Variants in VSX2 observed in about 807,000 individuals in gnomAD.
The protein encoded by VSX2 is ceh-10 homeo domain containing homolog.
VSX2 carries 28 observed loss-of-function variants against 32.1 expected under a neutral mutation model. The ratio of observed to expected loss-of-function variants is 0.87; its 90% CI spans 0.65 to 1.20. The LOEUF (loss-of-function observed/expected upper bound fraction) is 1.20, where lower values mean the gene tolerates loss of function less well. VSX2 is among the 50% of genes most tolerant of loss of function. VSX2 has a pLI of 0.00. For synonymous variants in VSX2, 243 were observed against 214.1 expected (o/e 1.14, Z -1.18); for missense variants, 506 against 488.7 (o/e 1.04, Z -0.33).
chr14:74,255,229 C>T (rs1307556307), intron 3 of VSX2, among the ~76,000 whole-genome samples: 1 of 152,120 alleles, frequency 6.6e-6, no homozygotes, highest in Non-Finnish European at 1.5e-5. Flanking sequence ...TATTTCAGTT[C>T]TATATACAGG....
intron 3 of VSX2, among the ~76,000 whole-genome samples, chr14:74,251,172 G>T (rs902632561): frequency 1.3e-5 from 2 of 151,946 alleles, no homozygotes; most frequent in African/African-American, 4.8e-5. Flanking sequence ...AAATTACGCC[G>T]GGTACGGTGG....
intron 3 of VSX2, among the ~76,000 whole-genome samples, chr14:74,245,826 C>T (rs1341855710): frequency 6.6e-6 from 1 of 152,186 alleles, no homozygotes; most frequent in East Asian, 1.9e-4. Context: ...CACACACAGC[C>T]CAGCAACTGC....
rs551300880 is a variant in VSX2, at chr14:74,261,507, A to G, written c.*588A>G. ...CCCAGGCAGGCCCAGCCTCTGCCCC[A>G]CCCATCAGTGGAGTCCAGATGGCAG... On this transcript the variant is annotated 3_prime_UTR_variant, in exon 5 of 5. Coordinates refer to ENST00000261980, the MANE Select transcript of VSX2 (RefSeq NM_182894.3). The G allele has an allele frequency of 6.5e-6, 1 of 153,038 alleles. No individual in the cohort carries two copies. Among genetic ancestry groups the G allele is most frequent in the Non-Finnish European group, 1.5e-5 (1 of 68,652 alleles). The allele number at this position is 153,038 out of a possible 1,614,324, so 9.5% of individuals were successfully genotyped here.
At chr14:74,245,140 G>C in intron 2 of VSX2, 25 bp from the exon 3 acceptor site, 1 of 1,613,364 alleles carries the variant, frequency 6.2e-7, no homozygotes, top group Non-Finnish European at 8.5e-7. Context: ...CTGGGGTCCT[G>C]AGTGTTCGGT....
intron 4 of VSX2, 78 bp from the exon 5 acceptor site, chr14:74,260,516 C>G: frequency 7.1e-7 from 1 of 1,409,046 alleles, no homozygotes; most frequent in South Asian, 1.2e-5. Flanking sequence ...TCTGGCCTCT[C>G]TCTATCTTTG....
intron 3 of VSX2, among the ~76,000 whole-genome samples, chr14:74,254,496 G>A (rs760739652): frequency 6.6e-6 from 1 of 152,216 alleles, no homozygotes; most frequent in Non-Finnish European, 1.5e-5. Context: ...AAATGCCTAA[G>A]GGGGAAGTAG....
At chr14:74,247,547 A>T (rs2079200901) in intron 3 of VSX2, among the ~76,000 whole-genome samples, 1 of 152,228 alleles carries the variant, frequency 6.6e-6, no homozygotes. Flanking sequence ...TCAGGGGCTG[A>T]AGACCATGAA....
chr14:74,256,263 C>T (rs2079262152), intron 3 of VSX2, among the ~76,000 whole-genome samples: 1 of 152,064 alleles, frequency 6.6e-6, no homozygotes, highest in African/African-American at 2.4e-5. Flanking sequence ...AAATCTCGTC[C>T]CTACTAAAAA....
intron 3 of VSX2, among the ~76,000 whole-genome samples, chr14:74,258,420 G>T (rs1566888036): frequency 6.6e-6 from 1 of 152,182 alleles, no homozygotes; most frequent in Non-Finnish European, 1.5e-5. Flanking sequence ...GGGAAGGGCG[G>T]CGCCGGCCCA....
rs766522793 is a variant in VSX2, at chr14:74,260,707, G to C, written c.874G>C (p.Ala292Pro). ...GGAGCAGGACGAGCGGGGCCCCGACGCTCAGGCGGCCATCTCCCAGGAGGA... is the reference window on the plus strand; with the variant it reads ...GGAGCAGGACGAGCGGGGCCCCGACCCTCAGGCGGCCATCTCCCAGGAGGA... ...KMEQDERGPD[A>P]QAAISQEELR... The change falls in exon 5 of 5, where the codon GCT (alanine) becomes CCT (proline). Residue 292 changes from alanine (A) to proline (P), a missense_variant. Ala to Pro is a conservative substitution (Grantham distance 27, BLOSUM62 -1). Coordinates refer to ENST00000261980, the MANE Select transcript of VSX2 (RefSeq NM_182894.3). The C allele has an allele frequency of 1.9e-6, 3 of 1,593,436 alleles. No individual in the cohort carries two copies. The African/African-American group carries it at 4.0e-5, about 21-fold the overall frequency.
rs545225184 is a variant in VSX2, at chr14:74,239,506, G to C, written c.-56G>C. The stretch of plus-strand genomic sequence containing the variant: ...AACTTCGCGAAGCGGGAAGCCCGGC[G>C]GGGGGGTGGGGGGAGCTAAAGACCT... On this transcript the variant is annotated 5_prime_UTR_variant, in exon 1 of 5. Coordinates refer to ENST00000261980, the MANE Select transcript of VSX2 (RefSeq NM_182894.3). 2.3e-5 allele frequency: 35 copies of C among 1,547,022 alleles called. No individual in the cohort carries two copies. In the East Asian group the frequency reaches 5.6e-4, roughly 25 times the overall value.
At chr14:74,247,598 C>CG (rs898958646) in intron 3 of VSX2, among the ~76,000 whole-genome samples, 1 of 152,156 alleles carries the variant, frequency 6.6e-6, no homozygotes, top group Admixed American at 6.5e-5. Context: ...CAGCCTCTTG[C>CG]CCAGGCCCCA....
intron 3 of VSX2, among the ~76,000 whole-genome samples, chr14:74,255,773 T>C (rs1356807892): frequency 6.6e-6 from 1 of 152,130 alleles, no homozygotes; most frequent in African/African-American, 2.4e-5. Flanking sequence ...CATCTCTGTC[T>C]TTCTATATTC....
chr14:74,244,943 AAAGT>A (rs1309035238), intron 2 of VSX2, among the ~76,000 whole-genome samples: 161 of 62,998 alleles, frequency 2.6e-3, no homozygotes, highest in Admixed American at 5.4e-3. Flanking sequence ...AGAGAGAGAG[AAAGT>A]GTGTGTGTGT....
chr14:74,262,134 G>A lies in VSX2; in HGVS notation c.*1215G>A, dbSNP rs2079312237. On this transcript the variant is annotated 3_prime_UTR_variant, in exon 5 of 5. Transcript: ENST00000261980. ...AGGCTGGAAGGAAAGCAAGGCAGAA[G>A]GCCAGGAGTAAGCCCAAGCTAAGCT... 6.6e-6 allele frequency: 1 copy of A among 152,568 alleles called. No individual in the cohort carries two copies. The allele number at this position is 152,568 out of a possible 1,614,324, so 9.5% of individuals were successfully genotyped here.
chr14:74,241,481 C>T (rs1252077135), intron 2 of VSX2, among the ~76,000 whole-genome samples: 1 of 152,228 alleles, frequency 6.6e-6, no homozygotes, highest in African/African-American at 2.4e-5. Flanking sequence ...GGGAAAGCGG[C>T]CCGGTTCGGG....
At chr14:74,246,613 G>C (rs1447726249) in intron 3 of VSX2, among the ~76,000 whole-genome samples, 1 of 152,222 alleles carries the variant, frequency 6.6e-6, no homozygotes, top group Non-Finnish European at 1.5e-5. Flanking sequence ...GTGTGTGCAC[G>C]TGTGTGCGTG....
chr14:74,257,268 C>A (rs1283252226), intron 3 of VSX2, among the ~76,000 whole-genome samples: 1 of 152,228 alleles, frequency 6.6e-6, no homozygotes, highest in East Asian at 1.9e-4. Context: ...TAGCGGCCTT[C>A]GGATTACACA....
intron 2 of VSX2, 25 bp from the exon 3 acceptor site, chr14:74,245,140 G>A: frequency 6.2e-7 from 1 of 1,613,364 alleles, no homozygotes; most frequent in Non-Finnish European, 8.5e-7. Flanking sequence ...CTGGGGTCCT[G>A]AGTGTTCGGT....
Sources: allele counts gnomAD v4.1 joint callset (sites outside exome capture counted in the v4.1 genomes callset), GRCh38; gene constraint gnomAD v4.1.1; transcripts MANE v1.5; gene names NCBI Gene and HGNC (gene_info 2026-07-23, HGNC 2026-07-21).